Variants in PRDM10 observed in about 807,000 individuals in gnomAD.
PRDM10 encodes the protein PR domain zinc finger protein 10.
In PRDM10, 65 loss-of-function variants were observed where a neutral mutation model predicts 133.1. The ratio of observed to expected loss-of-function variants is 0.49; its 90% CI spans 0.40 to 0.60. The LOEUF (loss-of-function observed/expected upper bound fraction) is 0.60. PRDM10 is among the 20% of genes least tolerant of loss of function. The probability of loss-of-function intolerance (pLI) is 0.00; values close to 1 mark genes in which losing one functional copy is unlikely to be tolerated. For missense variants in PRDM10, 1,137 were observed against 1,507.1 expected, an observed-to-expected ratio of 0.75 and a Z score of 4.07; for synonymous variants, 582 against 580.4, an observed-to-expected ratio of 1.00 and a Z score of -0.04.
intron 9 of PRDM10, 23 bp from the exon 10 acceptor site, chr11:129,932,254 C>T (rs368277197): frequency 6.2e-7 from 1 of 1,612,368 alleles, no homozygotes; most frequent in Non-Finnish European, 8.5e-7. Context: ...GATTGGGTTA[C>T]AGGTCGTCAT....
At chr11:130,002,196 C>G (rs1939446385) in intron 1 of PRDM10, among the ~76,000 whole-genome samples, 1 of 147,774 alleles carries the variant, frequency 6.8e-6, no homozygotes, top group Non-Finnish European at 1.5e-5. Flanking sequence ...ACCTGCCCGC[C>G]GCGCCCGGAG....
chr11:129,979,932 A>G (rs1157292640), intron 1 of PRDM10, among the ~76,000 whole-genome samples: 1 of 152,248 alleles, frequency 6.6e-6, no homozygotes, highest in African/African-American at 2.4e-5. Context: ...TCCCCTAACT[A>G]AAACTGTGTT....
intron 11 of PRDM10, among the ~76,000 whole-genome samples, chr11:129,928,765 G>C (rs1950762352): frequency 6.6e-6 from 1 of 152,104 alleles, no homozygotes; most frequent in African/African-American, 2.4e-5. Context: ...TGGTTGGCCA[G>C]CCCTGCCCAA....
chr11:129,914,610 G>T, intron 17 of PRDM10, 94 bp downstream of exon 17: 1 of 1,528,934 alleles, frequency 6.5e-7, no homozygotes. Context: ...CCACGCAGAA[G>T]GACATTACAT....
In PRDM10 at chr11:129,918,250, T is replaced by C. The variant is rs1057159248; in HGVS notation, c.2214+289A>G. On this transcript the variant is annotated intron_variant, in intron 14 of 20. Coordinates refer to ENST00000360871, the MANE Select transcript of PRDM10 (RefSeq NM_199437.2). The surrounding 1 kb of genome is among the most constrained non-coding windows in gnomAD (Gnocchi z 5.3). The stretch of plus-strand genomic sequence containing the variant: ...AATAAGGTGAGAGCAGAGATTGAGA[T>C]GGGTAAAGAAAAACAAAAGTAGTAA... Among the ~76,000 whole-genome samples, 4 of 142,516 alleles carry C rather than the reference T, an allele frequency of 2.8e-5. No individual in the cohort carries two copies. The highest frequency in any genetic ancestry group is 4.6e-5 in the Non-Finnish European group (3 of 65,656). The allele number at this position is 142,516 out of a possible 152,430, so 93.5% of individuals were successfully genotyped here. A position where few individuals can be genotyped will look rare whatever the true frequency, so the allele number is the denominator to read the frequency against.
At chr11:129,909,673 C>T (rs1434659577) in intron 19 of PRDM10, among the ~76,000 whole-genome samples, 1 of 152,208 alleles carries the variant, frequency 6.6e-6, no homozygotes, top group African/African-American at 2.4e-5. Flanking sequence ...ACTCCTATTC[C>T]TTCCACACCT....
intron 2 of PRDM10, among the ~76,000 whole-genome samples, chr11:129,958,615 G>A (rs1951741288): frequency 6.6e-6 from 1 of 152,222 alleles, no homozygotes; most frequent in Non-Finnish European, 1.5e-5. Flanking sequence ...TTGCACTCCA[G>A]CCTGGGTGAG....
At chr11:129,978,813 G>A (rs1937935395) in intron 1 of PRDM10, among the ~76,000 whole-genome samples, 1 of 152,148 alleles carries the variant, frequency 6.6e-6, no homozygotes, top group African/African-American at 2.4e-5. Flanking sequence ...CTTTCTTCAT[G>A]TTCACCCAAG....
intron 12 of PRDM10, among the ~76,000 whole-genome samples, chr11:129,924,494 G>C (rs989382140): frequency 1.3e-5 from 2 of 152,166 alleles, no homozygotes; most frequent in Non-Finnish European, 2.9e-5. Flanking sequence ...TATGGCCTTG[G>C]TTAAAGCAAG....
chr11:129,946,813 G>A (rs80227181), intron 5 of PRDM10, among the ~76,000 whole-genome samples: 6,533 of 152,252 alleles, frequency 0.043, 195 homozygotes, highest in East Asian at 0.12. Flanking sequence ...GCGCAGGATC[G>A]GGCAAATCTA....
At chr11:129,942,023 G>A (rs1468032984) in intron 7 of PRDM10, among the ~76,000 whole-genome samples, 1 of 152,128 alleles carries the variant, frequency 6.6e-6, no homozygotes, top group Non-Finnish European at 1.5e-5. Flanking sequence ...AGCTTCACAA[G>A]TAGCTGGGAT....
chr11:129,969,517 G>T (rs1242770232), intron 1 of PRDM10, among the ~76,000 whole-genome samples: 1 of 152,096 alleles, frequency 6.6e-6, no homozygotes, highest in African/African-American at 2.4e-5. Context: ...AGGAAGGCCT[G>T]GCACAGTGGC....
intron 19 of PRDM10, among the ~76,000 whole-genome samples, chr11:129,909,218 A>G (rs1212271046): frequency 6.6e-6 from 1 of 150,628 alleles, no homozygotes; most frequent in Admixed American, 6.6e-5. Flanking sequence ...GAGAGGCTGA[A>G]GTGGGCGGAT....
intron 1 of PRDM10, among the ~76,000 whole-genome samples, chr11:129,984,174 C>T (rs1031839694): frequency 2.6e-5 from 4 of 152,216 alleles, no homozygotes; most frequent in Non-Finnish European, 4.4e-5. Flanking sequence ...TCAGCTCCCA[C>T]ATCAGCACCC....
At chr11:129,916,604 C>T (rs1482148210) in intron 15 of PRDM10, among the ~76,000 whole-genome samples, 1 of 152,200 alleles carries the variant, frequency 6.6e-6, no homozygotes, top group Admixed American at 6.5e-5. Flanking sequence ...CACTGCACTC[C>T]AGCCTGTGTA....
At chr11:129,997,027 G>A (rs530793807) in intron 1 of PRDM10, among the ~76,000 whole-genome samples, 1 of 152,298 alleles carries the variant, frequency 6.6e-6, no homozygotes, top group East Asian at 1.9e-4. Flanking sequence ...CTGAGGCAAC[G>A]CTGTGAATAC....
In PRDM10 at chr11:129,957,837, T is replaced by A; in HGVS notation, c.143A>T (p.Gln48Leu). The A allele has an allele frequency of 1.2e-6, 2 of 1,614,218 alleles. No homozygotes were observed. Among genetic ancestry groups the A allele is most frequent in the Non-Finnish European group, 1.7e-6 (2 of 1,180,026 alleles). ...YTDDQVRPPQQVVYTADGASY... is the reference protein window; with the variant it reads ...YTDDQVRPPQLVVYTADGASY... ...GGCACCATCTGCCGTGTACACCACCTGCTGTGGGGGGCGAACCTGGTCATC... is the reference window on the plus strand; with the variant it reads ...GGCACCATCTGCCGTGTACACCACCAGCTGTGGGGGGCGAACCTGGTCATC... The change falls in exon 3 of 21, where the codon CAG becomes CTG. Residue 48 changes from glutamine (Q) to leucine (L), a missense_variant. By Grantham distance (113) the Gln-to-Leu change is moderately radical. Around this residue, in one of 6 missense-constraint regions of PRDM10, gnomAD observed 635 missense variants for 835.2 expected, o/e 0.76. Coordinates refer to ENST00000360871, the MANE Select transcript of PRDM10 (RefSeq NM_199437.2).
intron 1 of PRDM10, among the ~76,000 whole-genome samples, chr11:129,973,629 T>C (rs1218772494): frequency 2.0e-5 from 3 of 152,176 alleles, no homozygotes; most frequent in Non-Finnish European, 4.4e-5. Context: ...TCTGTTACAA[T>C]GTCGGTGATT....
At chr11:129,938,938 A>C (rs944009352) in intron 7 of PRDM10, among the ~76,000 whole-genome samples, 4 of 152,114 alleles carry the variant, frequency 2.6e-5, no homozygotes, top group Non-Finnish European at 4.4e-5. Context: ...CACCATCCCA[A>C]GTCTTCAGCC....
Sources: allele counts gnomAD v4.1 joint callset (sites outside exome capture counted in the v4.1 genomes callset), GRCh38; gene constraint gnomAD v4.1.1; regional missense constraint gnomAD v4.1.1; non-coding constraint Gnocchi (gnomAD v3.1); transcripts MANE v1.5; gene names NCBI Gene and HGNC (gene_info 2026-07-23, HGNC 2026-07-21).